KCNU1: variants seen among roughly 807,000 people sequenced by gnomAD.
KCNU1 encodes potassium channel subfamily U member 1.
Under a neutral mutation model 126.8 loss-of-function variants are expected in KCNU1, and 93 were observed. That is an observed-to-expected ratio of 0.73 (90% CI 0.62 to 0.87). KCNU1 has a LOEUF of 0.87. Among genes scored for constraint, KCNU1 ranks in the 40% least tolerant of loss-of-function variants. KCNU1 has a pLI of 0.00. For missense variants in KCNU1, 1,330 were observed against 1,367.1 expected (o/e 0.97, Z 0.43); for synonymous variants, 523 against 494.2 (o/e 1.06, Z -0.77).
intron 7 of KCNU1, among the ~76,000 whole-genome samples, chr8:36,812,430 T>C (rs1357932101): frequency 7.5e-6 from 1 of 132,660 alleles, no homozygotes; most frequent in African/African-American, 2.8e-5. Flanking sequence ...GGATAAAAAA[T>C]AGAGCTAAGA....
At chr8:36,925,450 A>G (rs1808502004) in intron 24 of KCNU1, among the ~76,000 whole-genome samples, 1 of 152,216 alleles carries the variant, frequency 6.6e-6, no homozygotes, top group South Asian at 2.1e-4. Context: ...GTTGTACGCC[A>G]CAGCAAAATG....
In KCNU1 at chr8:36,807,374, G is replaced by C. The variant is rs756844324; in HGVS notation, c.581-1G>C. The C allele has an allele frequency of 1.2e-6, 2 of 1,612,630 alleles. No homozygotes were observed. The highest frequency in any genetic ancestry group is 1.7e-6 in the Non-Finnish European group (2 of 1,178,832). ...GCTTTCTCCTTTCCATTGGTTTGTA[G>C]GTTTAAGGTTCCTAAGAGCCTTGCG... On this transcript the variant is annotated splice_acceptor_variant, in intron 5 of 26. Transcript: ENST00000399881. LOFTEE classifies it high-confidence loss of function.
intron 19 of KCNU1, among the ~76,000 whole-genome samples, chr8:36,879,209 G>GTATATATATATATA (rs1429299814): frequency 0.024 from 2,058 of 85,826 alleles, 35 homozygotes; most frequent in East Asian, 0.051. Flanking sequence ...GTGTGTGTGT[G>GTATATATATATATA]TGTATATATA....
chr8:36,934,590 G>A (rs1245549738), intron 26 of KCNU1, among the ~76,000 whole-genome samples: 2 of 152,104 alleles, frequency 1.3e-5, no homozygotes, highest in Non-Finnish European at 2.9e-5. Flanking sequence ...GTTTTAAACA[G>A]AATATGTGAT....
chr8:36,841,041 T>TG, intron 16 of KCNU1, 38 bp downstream of exon 16: 1 of 1,269,360 alleles, frequency 7.9e-7, no homozygotes, highest in Non-Finnish European at 1.1e-6. Context: ...GTTGTTTTTT[T>TG]TTTTTTTTTT....
At chr8:36,825,442 A>G (rs1402564990) in intron 10 of KCNU1, among the ~76,000 whole-genome samples, 1 of 152,180 alleles carries the variant, frequency 6.6e-6, no homozygotes, top group Admixed American at 6.6e-5. Flanking sequence ...TTTATGACAA[A>G]TTTCATTAAA....
chr8:36,864,861 C>A (rs1368496633), intron 19 of KCNU1, among the ~76,000 whole-genome samples: 1 of 152,058 alleles, frequency 6.6e-6, no homozygotes, highest in Admixed American at 6.6e-5. Flanking sequence ...CCCCTATTTC[C>A]AATACATTCA....
intron 10 of KCNU1, among the ~76,000 whole-genome samples, chr8:36,820,036 G>C (rs908243799): frequency 1.3e-5 from 2 of 152,054 alleles, no homozygotes; most frequent in African/African-American, 4.8e-5. Context: ...TGGAGAGAAG[G>C]CCCAGTCAGC....
At chr8:36,827,447 T>G (rs909823857) in intron 10 of KCNU1, among the ~76,000 whole-genome samples, 2 of 152,224 alleles carry the variant, frequency 1.3e-5, no homozygotes, top group African/African-American at 4.8e-5. Flanking sequence ...AGCTGCTTCT[T>G]CTGAATTGTA....
At chr8:36,845,251 G>A (rs1324502461) in intron 16 of KCNU1, among the ~76,000 whole-genome samples, 1 of 151,704 alleles carries the variant, frequency 6.6e-6, no homozygotes, top group African/African-American at 2.4e-5. Flanking sequence ...TCATTTGATA[G>A]CTTAAATCAG....
At chr8:36,856,961 T>G (rs1050191886) in intron 18 of KCNU1, among the ~76,000 whole-genome samples, 2 of 152,232 alleles carry the variant, frequency 1.3e-5, no homozygotes, top group Admixed American at 6.5e-5. Flanking sequence ...TTCTTGATAC[T>G]CTGTTCCAAG....
At chr8:36,790,938 G>A (rs1802879828) in intron 2 of KCNU1, among the ~76,000 whole-genome samples, 1 of 151,170 alleles carries the variant, frequency 6.6e-6, no homozygotes. Context: ...GAATACATGG[G>A]CAACCACTCA....
At chr8:36,896,743 G>T (rs959511154) in intron 19 of KCNU1, among the ~76,000 whole-genome samples, 1 of 151,986 alleles carries the variant, frequency 6.6e-6, no homozygotes, top group Non-Finnish European at 1.5e-5. Context: ...AGTAAAAAGA[G>T]CTTAGACATG....
intron 13 of KCNU1, 53 bp downstream of exon 13, chr8:36,836,418 A>G: frequency 1.1e-5 from 14 of 1,253,810 alleles, no homozygotes; most frequent in Non-Finnish European, 1.4e-5. Context: ...ATATAGCTAG[A>G]CGAACTTTTT....
intron 18 of KCNU1, among the ~76,000 whole-genome samples, chr8:36,846,245 A>G (rs1186464212): frequency 1.3e-5 from 2 of 152,166 alleles, no homozygotes; most frequent in African/African-American, 2.4e-5. Context: ...GTTTTTCACA[A>G]CTTCAGACTG....
rs1472298572 is a variant in KCNU1, at chr8:36,845,848, G to A, written c.1840G>A (p.Glu614Lys). 2 of 1,609,832 alleles carry A rather than the reference G, an allele frequency of 1.2e-6. No homozygotes were observed. The highest frequency in any genetic ancestry group is 2.2e-5 in the South Asian group (2 of 90,350). Residue 614 changes from glutamate (E) to lysine (K), a missense_variant, in exon 18 of 27, where the codon GAG becomes AAG. Glu to Lys is a moderately conservative substitution (Grantham distance 56, BLOSUM62 1). Coordinates refer to ENST00000399881, the MANE Select transcript of KCNU1 (RefSeq NM_001031836.3). ...CTGTCATGATGATGTGTTCATTCCT[G>A]AGCTAATTACAAACTGTGGCTGCAA... is the stretch of plus-strand genomic sequence containing the variant. ...SVCHDDVFIP[E>K]LITNCGCKSR...
chr8:36,826,705 T>G (rs1298882701), intron 10 of KCNU1, among the ~76,000 whole-genome samples: 1 of 152,138 alleles, frequency 6.6e-6, no homozygotes. Flanking sequence ...AATTTACATT[T>G]GATTCTTTTT....
intron 19 of KCNU1, among the ~76,000 whole-genome samples, chr8:36,896,560 G>GTAT (rs1563321901): frequency 6.6e-6 from 1 of 151,964 alleles, no homozygotes; most frequent in Admixed American, 6.6e-5. Context: ...AGCAGATAAA[G>GTAT]GAATCAAATA....
chr8:36,935,432 A>G (rs2117627035), intron 26 of KCNU1, 83 bp from the exon 27 acceptor site: 1 of 1,112,074 alleles, frequency 9.0e-7, no homozygotes, highest in South Asian at 1.6e-5. Flanking sequence ...GCCCAGCAAA[A>G]TGACCTCTTT....
Sources: gnomAD v4.1 joint callset for allele counts (sites outside exome capture counted in the v4.1 genomes callset) on GRCh38, gnomAD v4.1.1 for gene constraint, MANE v1.5 for transcripts, NCBI Gene and HGNC (gene_info 2026-07-23, HGNC 2026-07-21) for gene names.